SCMH1: variants seen among roughly 807,000 people sequenced by gnomAD.
The protein encoded by SCMH1 is Scm polycomb group protein homolog 1, also known as polycomb protein SCMH1.
In SCMH1, 37 loss-of-function variants were observed where a neutral mutation model predicts 70.8. That is an observed-to-expected ratio of 0.52 (90% confidence interval 0.40 to 0.69). SCMH1 has a LOEUF of 0.69. Among genes scored for constraint, SCMH1 ranks in the 30% least tolerant of loss-of-function variants. The probability of loss-of-function intolerance (pLI) is 0.00; values close to 1 mark genes in which losing one functional copy is unlikely to be tolerated. For synonymous variants in SCMH1, 292 were observed against 307.4 expected (o/e 0.95, Z 0.52); for missense variants, 607 against 827.3 (o/e 0.73, Z 3.27).
intron 1 of SCMH1, among the ~76,000 whole-genome samples, chr1:41,210,618 TATTTAATAAATGGTG>T (rs779114723): frequency 1.3e-5 from 2 of 152,208 alleles, no homozygotes; most frequent in Non-Finnish European, 2.9e-5. Context: ...AAGGATTCCC[TATTTAATAAATGGTG>T]CTGGGGAAAC....
intron 13 of SCMH1, among the ~76,000 whole-genome samples, chr1:41,032,294 T>C (rs113247229): frequency 6.6e-6 from 1 of 152,302 alleles, no homozygotes; most frequent in African/African-American, 2.4e-5. Flanking sequence ...ATAAACTCCA[T>C]GAGGGCAGGT....
chr1:41,118,353 A>G (rs570342778), intron 6 of SCMH1, among the ~76,000 whole-genome samples: 1 of 152,302 alleles, frequency 6.6e-6, no homozygotes, highest in Non-Finnish European at 1.5e-5. Flanking sequence ...TCCAAAAAAG[A>G]TGTGATAGGA....
At chr1:41,176,479 G>C (rs1647151253) in intron 2 of SCMH1, among the ~76,000 whole-genome samples, 1 of 152,226 alleles carries the variant, frequency 6.6e-6, no homozygotes. Flanking sequence ...AGTGCAAGGG[G>C]TCAGGGAATT....
At chr1:41,103,004 C>T (rs1431695552) in intron 8 of SCMH1, among the ~76,000 whole-genome samples, 4 of 152,032 alleles carry the variant, frequency 2.6e-5, no homozygotes, top group African/African-American at 7.2e-5. Context: ...AGGTTTTTCT[C>T]ATCTTCTTAA....
chr1:41,231,794 G>A (rs958804165), intron 1 of SCMH1, among the ~76,000 whole-genome samples: 4 of 152,016 alleles, frequency 2.6e-5, no homozygotes, highest in African/African-American at 4.8e-5. Flanking sequence ...AGGCAGAGGC[G>A]GGCAGATCAC....
intron 1 of SCMH1, among the ~76,000 whole-genome samples, chr1:41,188,470 T>C (rs1287120261): frequency 6.6e-6 from 1 of 152,240 alleles, no homozygotes; most frequent in Non-Finnish European, 1.5e-5. Flanking sequence ...TATTTAGGAC[T>C]TGAAATGTAG....
intron 8 of SCMH1, among the ~76,000 whole-genome samples, chr1:41,093,009 A>C (rs146646308): frequency 0.078 from 11,884 of 152,192 alleles, 595 homozygotes; most frequent in South Asian, 0.13. Flanking sequence ...TTGACCCAGC[A>C]ATCCCATTAC....
chr1:41,110,907 T>C (rs745542697), intron 8 of SCMH1, among the ~76,000 whole-genome samples: 12 of 152,246 alleles, frequency 7.9e-5, no homozygotes, highest in South Asian at 2.1e-4. Flanking sequence ...TCACCAGCAA[T>C]GATCGAGAAT....
At chr1:41,230,027 T>TA in intron 1 of SCMH1, among the ~76,000 whole-genome samples, 1 of 152,236 alleles carries the variant, frequency 6.6e-6, no homozygotes, top group East Asian at 1.9e-4. Flanking sequence ...AACTAGAACT[T>TA]AGCTAGGGGA....
At chr1:41,127,800 T>C (rs1572399477) in intron 6 of SCMH1, among the ~76,000 whole-genome samples, 1 of 152,138 alleles carries the variant, frequency 6.6e-6, no homozygotes, top group East Asian at 1.9e-4. Context: ...TTCCCTCCCT[T>C]CCTTCTTCCT....
chr1:41,226,032 T>G (rs1051613393), intron 1 of SCMH1, among the ~76,000 whole-genome samples: 2 of 152,208 alleles, frequency 1.3e-5, no homozygotes, highest in Non-Finnish European at 2.9e-5. Context: ...TAAGTGGTGC[T>G]ACTATTCAAT....
chr1:41,100,853 T>G (rs1183596365), intron 8 of SCMH1, among the ~76,000 whole-genome samples: 1 of 152,166 alleles, frequency 6.6e-6, no homozygotes, highest in Non-Finnish European at 1.5e-5. Flanking sequence ...CGTGACCCAC[T>G]GCACCCAGCC....
rs1272911802 is a variant in SCMH1, at chr1:41,144,935, T to C, written c.178-1823A>G. ...AAATTCTTTGTCCATTTTAAAATCA[T>C]GTTGTCTTTTAATTTCCGAGTTTTA... On this transcript the variant is annotated intron_variant, in intron 5 of 14. Transcript: ENST00000337495. Among the ~76,000 whole-genome samples the C allele has an allele frequency of 3.3e-5, 5 of 152,204 alleles. No individual in the cohort carries two copies. The East Asian group carries it at 9.6e-4, about 29-fold the overall frequency.
At chr1:41,138,634 T>G (rs1359884497) in intron 6 of SCMH1, among the ~76,000 whole-genome samples, 1 of 152,192 alleles carries the variant, frequency 6.6e-6, no homozygotes, top group Non-Finnish European at 1.5e-5. Flanking sequence ...TTTTTTTTCT[T>G]GAGTTTGGAC....
At chr1:41,148,478 T>C (rs892028398) in intron 5 of SCMH1, among the ~76,000 whole-genome samples, 1 of 152,094 alleles carries the variant, frequency 6.6e-6, no homozygotes. Context: ...GAAAATATCT[T>C]TATTTCACCT....
chr1:41,055,729 A>G (rs200719239), intron 10 of SCMH1, among the ~76,000 whole-genome samples: 1 of 152,292 alleles, frequency 6.6e-6, no homozygotes, highest in East Asian at 1.9e-4. Context: ...CTGTTGCACC[A>G]CTGTGTGTTA....
exon 15 of SCMH1, chr1:41,027,571 C>T (rs1180756172): frequency 6.6e-6 from 1 of 152,232 alleles, no homozygotes; most frequent in Non-Finnish European, 1.5e-5. Context: ...GTCTCTCCAC[C>T]TCAAAGAGAA....
rs1327267509 is a variant in SCMH1 at position 41,180,826 on chromosome 1, C to T, written c.13+5295G>A. On this transcript the variant is annotated intron_variant, in intron 2 of 14. Coordinates refer to ENST00000337495, the Ensembl canonical transcript of SCMH1. ...CCCAACAAGCTACCAATGACTTTCT[C>T]CACAGAATTGGAAAAAACTACTTTA... is the stretch of plus-strand genomic sequence containing the variant. Among the ~76,000 whole-genome samples the T allele has an allele frequency of 7.2e-5, 11 of 152,028 alleles. 1 individual carries two copies. The highest frequency in any genetic ancestry group is 1.6e-4 in the Non-Finnish European group (11 of 67,986).
At chr1:41,039,079 A>G (rs936890909) in intron 12 of SCMH1, among the ~76,000 whole-genome samples, 14 of 152,238 alleles carry the variant, frequency 9.2e-5, no homozygotes, top group African/African-American at 3.1e-4. Flanking sequence ...TGTCTGTGAT[A>G]GTACAAGAAA....
Sources: allele counts gnomAD v4.1 joint callset (sites outside exome capture counted in the v4.1 genomes callset), GRCh38; gene constraint gnomAD v4.1.1; transcripts MANE v1.5; gene names NCBI Gene and HGNC (gene_info 2026-07-23, HGNC 2026-07-21).